USP7: variants seen among roughly 807,000 people sequenced by gnomAD.
USP7 encodes the protein ubiquitin specific peptidase 7.
In USP7, 9 loss-of-function variants were observed where a neutral mutation model predicts 162.9. The observed-to-expected ratio is 0.06, with a 90% confidence interval of 0.03 to 0.10. The LOEUF is 0.10. Ranked by LOEUF, USP7 falls within the 10% of genes least tolerant of loss-of-function variation. USP7 has a pLI of 1.00. For synonymous variants in USP7, 562 were observed against 475.9 expected (o/e 1.18, Z -2.35); for missense variants, 715 against 1,373.7 (o/e 0.52, Z 7.58).
At chr16:8,952,652 A>G (rs183913393) in intron 1 of USP7, among the ~76,000 whole-genome samples, 105 of 152,226 alleles carry the variant, frequency 6.9e-4, no homozygotes, top group Admixed American at 1.2e-3. Context: ...TGAATTCAAT[A>G]AGGTCTGCAA....
chr16:8,948,980 T>C (rs539670416), intron 1 of USP7, among the ~76,000 whole-genome samples: 2 of 152,110 alleles, frequency 1.3e-5, no homozygotes, highest in South Asian at 4.2e-4. Context: ...AAAAAAAAGC[T>C]TACACAGTCT....
intron 1 of USP7, among the ~76,000 whole-genome samples, chr16:8,938,813 A>G (rs1898896708): frequency 6.6e-6 from 1 of 152,168 alleles, no homozygotes; most frequent in South Asian, 2.1e-4. Flanking sequence ...CTATTTACAT[A>G]GCATTTACAC....
chr16:8,941,914 A>G (rs561383714), intron 1 of USP7, among the ~76,000 whole-genome samples: 69 of 152,202 alleles, frequency 4.5e-4, no homozygotes, highest in Non-Finnish European at 8.1e-4. Context: ...TCCCTTGGTG[A>G]TCATTGCAAT....
At chr16:8,912,692 C>T (rs141818560) in intron 10 of USP7, among the ~76,000 whole-genome samples, 3 of 150,740 alleles carry the variant, frequency 2.0e-5, no homozygotes, top group Admixed American at 6.6e-5. Context: ...GAGGCCAAGG[C>T]GGGCAGACTG....
intron 26 of USP7, 96 bp from the exon 27 acceptor site, chr16:8,895,837 A>AT: frequency 2.3e-5 from 17 of 734,866 alleles, no homozygotes; most frequent in African/African-American, 4.8e-5. Context: ...TTACCACGAT[A>AT]TGTTTTTTTT....
At chr16:8,944,536 G>A (rs893672912) in intron 1 of USP7, among the ~76,000 whole-genome samples, 6 of 152,232 alleles carry the variant, frequency 3.9e-5, no homozygotes, top group Non-Finnish European at 1.5e-5. Context: ...TTGTGCTAAT[G>A]TAAGTCCTTT....
At chr16:8,909,796 G>A (rs1335412573) in intron 11 of USP7, among the ~76,000 whole-genome samples, 2 of 152,104 alleles carry the variant, frequency 1.3e-5, no homozygotes, top group African/African-American at 4.8e-5. Flanking sequence ...CATAGTGGCG[G>A]GCGCCTGTAG....
intron 6 of USP7, among the ~76,000 whole-genome samples, chr16:8,918,068 G>T (rs972726300): frequency 6.6e-6 from 1 of 152,072 alleles, no homozygotes; most frequent in Non-Finnish European, 1.5e-5. Context: ...GGAATTACAG[G>T]CATGAGCCAC....
chr16:8,899,074 G>C, intron 23 of USP7, 47 bp downstream of exon 23: 1 of 1,581,896 alleles, frequency 6.3e-7, no homozygotes, highest in Non-Finnish European at 8.6e-7. Context: ...ATGAACTGTG[G>C]AAAGCATGCA....
intron 1 of USP7, among the ~76,000 whole-genome samples, chr16:8,948,633 C>T (rs1456159487): frequency 1.3e-5 from 2 of 152,122 alleles, no homozygotes; most frequent in East Asian, 3.8e-4. Flanking sequence ...AAGTTCCACA[C>T]GATGGAATAT....
intron 8 of USP7, 116 bp from the exon 9 acceptor site, chr16:8,915,641 T>C (rs79028709): frequency 2.2e-6 from 2 of 919,908 alleles, no homozygotes; most frequent in African/African-American, 1.7e-5. Context: ...TATAAAAATA[T>C]GACCTCTGGC....
intron 1 of USP7, among the ~76,000 whole-genome samples, chr16:8,937,329 G>A (rs1402365643): frequency 6.6e-6 from 1 of 152,064 alleles, no homozygotes; most frequent in Non-Finnish European, 1.5e-5. Flanking sequence ...CGGATCACCT[G>A]AGGCCAGAAG....
At chr16:8,912,926 G>C (rs1445810003) in intron 10 of USP7, among the ~76,000 whole-genome samples, 2 of 152,192 alleles carry the variant, frequency 1.3e-5, no homozygotes, top group Non-Finnish European at 2.9e-5. Context: ...CAGGCAATTA[G>C]TGAAGATCAA....
At chr16:8,918,190 A>G (rs1358868040) in intron 6 of USP7, among the ~76,000 whole-genome samples, 3 of 152,212 alleles carry the variant, frequency 2.0e-5, no homozygotes, top group African/African-American at 4.8e-5. Flanking sequence ...TCCCTGGGAT[A>G]TATCACGACA....
At chr16:8,913,078 G>A (rs1332600781) in intron 10 of USP7, among the ~76,000 whole-genome samples, 1 of 152,160 alleles carries the variant, frequency 6.6e-6, no homozygotes, top group Non-Finnish European at 1.5e-5. Flanking sequence ...ATGGGGGGCT[G>A]GGCACGGTGG....
In USP7 at chr16:8,899,151, G is replaced by C; in HGVS notation, c.2501C>G (p.Pro834Arg). ...AGACTTGAAAAACTGCAGCAACATT[G>C]GATCTGTGTTGAGCCTCTGTGCAAC... ...KTVAQRLNTD[P>R]MLLQFFKSQG... Residue 834 changes from proline (P) to arginine (R), a missense_variant, in exon 23 of 31, where the codon CCA (proline) becomes CGA (arginine). Coordinates refer to ENST00000344836, the MANE Select transcript of USP7 (RefSeq NM_003470.3). 1 of 1,614,176 alleles carries C rather than the reference G, an allele frequency of 6.2e-7. No homozygotes were observed. The highest frequency in any genetic ancestry group is 8.5e-7 in the Non-Finnish European group (1 of 1,180,032).
chr16:8,899,208 G>A lies in USP7; in HGVS notation c.2464-20C>T, dbSNP rs113676052. ...TGCAACCTAAGACACAGAAAGGAAG[G>A]TTCACATTTTGGGGAAAAATTGAAA... On this transcript the variant is annotated intron_variant, in intron 22 of 30. Transcript: ENST00000344836. The A allele has an allele frequency of 1.9e-6, 3 of 1,612,362 alleles. 1 individual carries two copies. Among genetic ancestry groups the A allele is most frequent in the South Asian group, 1.1e-5 (1 of 90,556 alleles).
chr16:8,923,495 TC>T (rs1215104950), intron 2 of USP7, 82 bp from the exon 3 acceptor site: 1 of 1,433,920 alleles, frequency 7.0e-7, no homozygotes, highest in Non-Finnish European at 9.6e-7. Context: ...AGTAAACTGT[TC>T]TATACATCCT....
intron 10 of USP7, among the ~76,000 whole-genome samples, chr16:8,912,783 T>C (rs1489800397): frequency 7.0e-6 from 1 of 142,926 alleles, no homozygotes; most frequent in Non-Finnish European, 1.5e-5. Context: ...AATTGATAAA[T>C]ACATAGAAAA....
Sources: gnomAD v4.1 joint callset for allele counts (sites outside exome capture counted in the v4.1 genomes callset) on GRCh38, gnomAD v4.1.1 for gene constraint, MANE v1.5 for transcripts, NCBI Gene and HGNC (gene_info 2026-07-23, HGNC 2026-07-21) for gene names.